TMEM184C: variants seen among roughly 807,000 people sequenced by gnomAD.
TMEM184C encodes transmembrane protein 184C.
TMEM184C carries 25 observed loss-of-function variants against 54.5 expected under a neutral mutation model. That is an observed-to-expected ratio of 0.46 (90% CI 0.33 to 0.64). TMEM184C has a LOEUF of 0.64. Among genes scored for constraint, TMEM184C ranks in the 30% least tolerant of loss-of-function variants. The pLI is 0.02. For synonymous variants in TMEM184C, 148 were observed against 181.5 expected, an observed-to-expected ratio of 0.82 and a Z score of 1.49; for missense variants, 335 against 520.3, an observed-to-expected ratio of 0.64 and a Z score of 3.46.
At chr4:147,622,154 A>G (rs912481700) in intron 1 of TMEM184C, among the ~76,000 whole-genome samples, 3 of 151,602 alleles carry the variant, frequency 2.0e-5, no homozygotes, top group Non-Finnish European at 4.4e-5. Flanking sequence ...TGTTGCCCAC[A>G]CTGGTCTCAC....
chr4:147,623,195 C>T (rs1188699452), intron 1 of TMEM184C, among the ~76,000 whole-genome samples: 2 of 151,996 alleles, frequency 1.3e-5, no homozygotes, highest in Non-Finnish European at 2.9e-5. Flanking sequence ...GCCTGTAATC[C>T]CAGCACTTCA....
intron 5 of TMEM184C, 59 bp from the exon 6 acceptor site, chr4:147,629,540 C>A: frequency 8.0e-7 from 1 of 1,245,918 alleles, no homozygotes. Context: ...ATTGCTATTG[C>A]TGTATTTTGA....
At chr4:147,624,774 A>G (rs1368088635) in intron 3 of TMEM184C, 30 bp from the exon 4 acceptor site, 14 of 1,603,376 alleles carry the variant, frequency 8.7e-6, no homozygotes, top group Non-Finnish European at 1.2e-5. Flanking sequence ...CTTAGCTGCA[A>G]CTATCTTTAA....
rs1732784981 is a variant in TMEM184C, at chr4:147,624,909, C to T, written c.397C>T (p.Leu133=). ...CTTTATGGGATTCCTTACCAATTATCTAACTAACCGGTATCCAAATCTGGT... is the reference window on the plus strand; with the variant it reads ...CTTTATGGGATTCCTTACCAATTATTTAACTAACCGGTATCCAAATCTGGT... ...YNFMGFLTNY[L]TNRYPNLVLI... Residue 133 remains leucine, a synonymous_variant, in exon 4 of 10, where the codon CTA becomes TTA. Transcript: ENST00000296582. 6.2e-7 allele frequency: 1 copy of T among 1,613,782 alleles called. No individual in the cohort carries two copies.
chr4:147,617,865 C>G lies in TMEM184C; in HGVS notation c.-92C>G. The stretch of plus-strand genomic sequence containing the variant: ...CCGACAGCTTTTTCTCCGTAGTATG[C>G]GAGTTGACAAAACAGCCAGAGAACA... On this transcript the variant is annotated 5_prime_UTR_variant, in exon 1 of 10. Transcript: ENST00000296582. 1 of 1,568,940 alleles carries G rather than the reference C, an allele frequency of 6.4e-7. No individual in the cohort carries two copies. The highest frequency in any genetic ancestry group is 8.7e-7 in the Non-Finnish European group (1 of 1,145,080).
chr4:147,624,918 C>G lies in TMEM184C; in HGVS notation c.406C>G (p.Arg136Gly). ...ATTCCTTACCAATTATCTAACTAAC[C>G]GGTATCCAAATCTGGTATTAATCCT... ...MGFLTNYLTN[R>G]YPNLVLILEA... is the part of the protein sequence containing the mutation. Residue 136 changes from arginine (R) to glycine (G), a missense_variant, in exon 4 of 10, where the codon CGG (arginine) becomes GGG (glycine). Arg to Gly is a moderately radical substitution (Grantham distance 125). Coordinates refer to ENST00000296582, the MANE Select transcript of TMEM184C (RefSeq NM_018241.3). The G allele has an allele frequency of 6.2e-7, 1 of 1,613,870 alleles. No individual in the cohort carries two copies. The highest frequency in any genetic ancestry group is 8.5e-7 in the Non-Finnish European group (1 of 1,179,854).
At chr4:147,622,727 C>T (rs1414589559) in intron 1 of TMEM184C, among the ~76,000 whole-genome samples, 7 of 152,104 alleles carry the variant, frequency 4.6e-5, no homozygotes, top group South Asian at 4.1e-4. Flanking sequence ...GTTTGATTAA[C>T]GCCCCCACAA....
intron 1 of TMEM184C, among the ~76,000 whole-genome samples, chr4:147,622,998 A>G (rs573333063): frequency 2.6e-5 from 4 of 152,296 alleles, no homozygotes; most frequent in Non-Finnish European, 2.9e-5. Context: ...CCTGGGCTCA[A>G]GCAATCATGA....
intron 4 of TMEM184C, among the ~76,000 whole-genome samples, chr4:147,625,831 A>G (rs1421483788): frequency 6.6e-6 from 1 of 152,196 alleles, no homozygotes; most frequent in Non-Finnish European, 1.5e-5. Flanking sequence ...ATTGCAAAAG[A>G]TAAAGAGTAA....
chr4:147,623,608 AG>A (rs1732755915), intron 1 of TMEM184C, among the ~76,000 whole-genome samples: 1 of 149,610 alleles, frequency 6.7e-6, no homozygotes, highest in East Asian at 1.9e-4. Flanking sequence ...TTAATATAAA[AG>A]TCCCCCCTCC....
intron 7 of TMEM184C, 90 bp downstream of exon 7, chr4:147,631,595 GAAGA>G (rs1732919058): frequency 2.3e-6 from 2 of 875,712 alleles, no homozygotes; most frequent in African/African-American, 1.8e-5. Context: ...TCTTAATGCG[GAAGA>G]TAGATTAAAA....
intron 8 of TMEM184C, 106 bp downstream of exon 8, chr4:147,633,108 C>T: frequency 1.1e-6 from 1 of 895,926 alleles, no homozygotes; most frequent in Non-Finnish European, 1.7e-6. Context: ...CTATTATCCT[C>T]ACTTTACAGG....
intron 1 of TMEM184C, among the ~76,000 whole-genome samples, 159 bp from the exon 2 acceptor site, chr4:147,623,675 C>T (rs1455245086): frequency 6.8e-6 from 1 of 146,766 alleles, no homozygotes; most frequent in Non-Finnish European, 1.5e-5. Context: ...CGGGTTCTCA[C>T]TTTGTAGGCC....
At position 147,635,422 on chromosome 4, in the gene TMEM184C, A is replaced by T. The variant is rs988769968; in HGVS notation, c.*988A>T. 1.1e-4 allele frequency: 17 copies of T among 152,236 alleles called. No individual in the cohort carries two copies. Among genetic ancestry groups the T allele is most frequent in the African/African-American group, 4.1e-4 (17 of 41,480 alleles). The allele number at this position is 152,236 out of a possible 1,614,324, so 9.4% of individuals were successfully genotyped here. A position where few individuals can be genotyped will look rare whatever the true frequency, so the allele number is the denominator to read the frequency against. On this transcript the variant is annotated 3_prime_UTR_variant, in exon 10 of 10. Coordinates refer to ENST00000296582, the MANE Select transcript of TMEM184C (RefSeq NM_018241.3). ...CTCATTAAACCACAGTCAGAAAGAC[A>T]TATAGGTGCTATTTGGGAAAACTTT...
In TMEM184C at chr4:147,634,577, T is replaced by C; in HGVS notation, c.*143T>C. 1.1e-6 allele frequency: 1 copy of C among 878,046 alleles called. No individual in the cohort carries two copies. The highest frequency in any genetic ancestry group is 1.7e-6 in the Non-Finnish European group (1 of 588,144). 54.4% of individuals were successfully genotyped at this position (878,046 alleles called of 1,614,324 possible). A position where few individuals can be genotyped will look rare whatever the true frequency, so the allele number is the denominator to read the frequency against. ...AAGCCAGGTACAACTACTGCATTTA[T>C]ATATGTAAGTTTTGTATATCAAAAA... On this transcript the variant is annotated 3_prime_UTR_variant, in exon 10 of 10. Transcript: ENST00000296582.
At chr4:147,633,074 C>A in intron 8 of TMEM184C, 72 bp downstream of exon 8, 1 of 1,273,624 alleles carries the variant, frequency 7.9e-7, no homozygotes, top group South Asian at 1.2e-5. Flanking sequence ...CTCCACTAAA[C>A]CTGACAACAC....
intron 6 of TMEM184C, among the ~76,000 whole-genome samples, chr4:147,629,966 A>G (rs1449451479): frequency 6.6e-6 from 1 of 151,734 alleles, no homozygotes; most frequent in Non-Finnish European, 1.5e-5. Flanking sequence ...CTCATTGCAT[A>G]GCTGTATGAG....
At chr4:147,634,032 G>T in intron 9 of TMEM184C, 96 bp downstream of exon 9, 1 of 1,521,256 alleles carries the variant, frequency 6.6e-7, no homozygotes, top group East Asian at 2.3e-5. Context: ...GATGAAAAAA[G>T]ACTTTAAAGC....
chr4:147,628,905 C>G (rs1286285725), intron 5 of TMEM184C, among the ~76,000 whole-genome samples: 1 of 152,102 alleles, frequency 6.6e-6, no homozygotes, highest in Non-Finnish European at 1.5e-5. Context: ...CCTGGCAAAA[C>G]TATTCCCTAA....
Sources: allele counts gnomAD v4.1 joint callset (sites outside exome capture counted in the v4.1 genomes callset), GRCh38; gene constraint gnomAD v4.1.1; transcripts MANE v1.5; gene names NCBI Gene and HGNC (gene_info 2026-07-23, HGNC 2026-07-21).